STIM1: variants seen among roughly 807,000 people sequenced by gnomAD.
STIM1 encodes the protein stromal interaction molecule 1.
A neutral mutation model predicts 74.7 loss-of-function variants in STIM1; 25 were observed. The ratio of observed to expected loss-of-function variants is 0.33; its 90% confidence interval spans 0.24 to 0.47. The LOEUF is 0.47. Ranked by LOEUF, STIM1 falls within the 20% of genes least tolerant of loss-of-function variation. The pLI is 1.00. For missense variants in STIM1, 728 were observed against 920.8 expected (o/e 0.79, Z 2.71); for synonymous variants, 328 against 348.8 (o/e 0.94, Z 0.66).
chr11:3,988,698 A>G (rs2093580602), intron 2 of STIM1, among the ~76,000 whole-genome samples: 1 of 152,238 alleles, frequency 6.6e-6, no homozygotes, highest in Non-Finnish European at 1.5e-5. Context: ...AGTACACACA[A>G]TTCTGACAGG....
At chr11:3,912,999 A>G (rs974747258) in intron 1 of STIM1, among the ~76,000 whole-genome samples, 2 of 152,144 alleles carry the variant, frequency 1.3e-5, no homozygotes, top group Admixed American at 6.5e-5. Context: ...GGTCCCAGAG[A>G]TGGAAGCCTC....
chr11:3,939,924 A>G (rs776191194), intron 1 of STIM1, among the ~76,000 whole-genome samples: 2 of 152,204 alleles, frequency 1.3e-5, no homozygotes, highest in African/African-American at 2.4e-5. Flanking sequence ...GTTAGAGATC[A>G]TCATTCCAGT....
intron 3 of STIM1, 22 bp from the exon 4 acceptor site, chr11:4,055,504 C>CTT (rs776853897): frequency 5.2e-6 from 8 of 1,548,560 alleles, no homozygotes; most frequent in Non-Finnish European, 7.0e-6. Context: ...AGAGTCATGG[C>CTT]TTTGCTTGTC....
At chr11:4,086,262 G>A in intron 11 of STIM1, 2 of 603,528 alleles carry the variant, frequency 3.3e-6, no homozygotes, top group South Asian at 4.0e-5. Flanking sequence ...CCTTCTATTG[G>A]AATTGCCACT....
chr11:4,084,750 C>G lies in STIM1; in HGVS notation c.1552C>G (p.Leu518Val). ...ATCCGCCGGCTCGGATGATCAGTCC[C>G]TCTGGAAATACCCCGGTTTGAGGAG... ...STSAGSDDQSLWKYPAPSLQS... is the reference protein window; with the variant it reads ...STSAGSDDQSVWKYPAPSLQS... The change falls in exon 11 of 13, where the codon CTC becomes GTC. Residue 518 changes from leucine (L) to valine (V), a missense_variant. Leu to Val is a conservative substitution (Grantham distance 32, BLOSUM62 1). Around this residue, in one of 5 missense-constraint regions of STIM1, gnomAD observed 352 missense variants for 370.1 expected, o/e 0.95. Coordinates refer to ENST00000526596, the MANE Select transcript of STIM1 (RefSeq NM_001382567.1). 1 of 1,289,402 alleles carries G rather than the reference C, an allele frequency of 7.8e-7. No homozygotes were observed. Among genetic ancestry groups the G allele is most frequent in the Non-Finnish European group, 1.0e-6 (1 of 988,880 alleles). The allele number at this position is 1,289,402 out of a possible 1,614,324, so 79.9% of individuals were successfully genotyped here.
At chr11:4,036,731 G>C (rs1242834076) in intron 3 of STIM1, among the ~76,000 whole-genome samples, 2 of 152,106 alleles carry the variant, frequency 1.3e-5, no homozygotes, top group African/African-American at 2.4e-5. Context: ...ATTTGTTTAA[G>C]TTCCTTGAGG....
At position 4,059,401 on chromosome 11, in the gene STIM1, G is replaced by T; in HGVS notation, c.613+5G>T. Reference sequence around the variant, plus strand: ...TGCTCTTTGGGCCTCCTCTCTGTGAGTCTTGTGTTGAGAAGGGCTACTGCT... The same window carrying T: ...TGCTCTTTGGGCCTCCTCTCTGTGATTCTTGTGTTGAGAAGGGCTACTGCT... On this transcript the variant is annotated splice_donor_5th_base_variant and intron_variant, in intron 5 of 12. Coordinates refer to ENST00000526596, the MANE Select transcript of STIM1 (RefSeq NM_001382567.1). 1 of 1,613,148 alleles carries T rather than the reference G, an allele frequency of 6.2e-7. No homozygotes were observed. The highest frequency in any genetic ancestry group is 8.5e-7 in the Non-Finnish European group (1 of 1,179,170).
At chr11:3,989,796 A>G (rs2093592059) in intron 2 of STIM1, among the ~76,000 whole-genome samples, 1 of 152,222 alleles carries the variant, frequency 6.6e-6, no homozygotes, top group Non-Finnish European at 1.5e-5. Context: ...CAGAGACCAT[A>G]TGGACCACCA....
chr11:3,978,723 A>G (rs1457838733), intron 2 of STIM1, among the ~76,000 whole-genome samples: 1 of 152,038 alleles, frequency 6.6e-6, no homozygotes, highest in Non-Finnish European at 1.5e-5. Context: ...GGATTGTGCC[A>G]CTGTACTCCA....
chr11:3,902,837 G>A (rs2092383479), intron 1 of STIM1, among the ~76,000 whole-genome samples: 1 of 152,138 alleles, frequency 6.6e-6, no homozygotes, highest in Admixed American at 6.5e-5. Flanking sequence ...AGGAGGAGCT[G>A]GGCAGATTGC....
chr11:4,053,397 A>C (rs527533898), intron 3 of STIM1, among the ~76,000 whole-genome samples: 40 of 152,362 alleles, frequency 2.6e-4, no homozygotes, highest in Non-Finnish European at 4.7e-4. Context: ...AATACTATGC[A>C]GCCATAAAAA....
At chr11:3,910,794 A>G (rs2092548831) in intron 1 of STIM1, among the ~76,000 whole-genome samples, 1 of 151,402 alleles carries the variant, frequency 6.6e-6, no homozygotes, top group East Asian at 1.9e-4. Flanking sequence ...AGCCTGACCA[A>G]CATGGTGAAA....
At chr11:4,035,369 CT>C (rs1396074213) in intron 3 of STIM1, among the ~76,000 whole-genome samples, 3 of 151,094 alleles carry the variant, frequency 2.0e-5, no homozygotes, top group Admixed American at 6.6e-5. Context: ...TCTCCTATTA[CT>C]TTTTTTCCTG....
intron 1 of STIM1, among the ~76,000 whole-genome samples, chr11:3,910,651 G>A (rs1010736900): frequency 6.6e-6 from 1 of 152,072 alleles, no homozygotes; most frequent in African/African-American, 2.4e-5. Flanking sequence ...CTTAAAAATG[G>A]TGAATGTTAT....
intron 2 of STIM1, chr11:3,973,407 T>A (rs78560555): frequency 0.024 from 8,936 of 380,130 alleles, 587 homozygotes; most frequent in African/African-American, 0.15. Flanking sequence ...GTATTTCTTT[T>A]TTTTTCTCTC....
intron 2 of STIM1, among the ~76,000 whole-genome samples, chr11:3,977,096 C>G (rs1402669417): frequency 1.3e-5 from 2 of 152,074 alleles, no homozygotes; most frequent in Non-Finnish European, 2.9e-5. Flanking sequence ...CGCCTGGCCC[C>G]TGACAGCTGT....
chr11:4,009,528 A>T (rs1316886807), intron 2 of STIM1, among the ~76,000 whole-genome samples: 1 of 151,736 alleles, frequency 6.6e-6, no homozygotes, highest in East Asian at 1.9e-4. Flanking sequence ...GAATTGCTTG[A>T]ACCCGGCGGG....
At chr11:4,000,981 T>G (rs2093710275) in intron 2 of STIM1, among the ~76,000 whole-genome samples, 1 of 151,378 alleles carries the variant, frequency 6.6e-6, no homozygotes, top group African/African-American at 2.4e-5. Context: ...GAAGAAAGAG[T>G]ATCAGTGACG....
At chr11:4,052,997 C>T (rs1302333184) in intron 3 of STIM1, among the ~76,000 whole-genome samples, 1 of 152,170 alleles carries the variant, frequency 6.6e-6, no homozygotes, top group African/African-American at 2.4e-5. Context: ...TCGTCACTGG[C>T]CATCAGAGAA....
Sources: gnomAD v4.1 joint callset for allele counts (sites outside exome capture counted in the v4.1 genomes callset) on GRCh38, gnomAD v4.1.1 for gene constraint, gnomAD v4.1.1 regional missense constraint, MANE v1.5 for transcripts, NCBI Gene and HGNC (gene_info 2026-07-23, HGNC 2026-07-21) for gene names.